PLA2G4D: variants seen among roughly 807,000 people sequenced by gnomAD.
PLA2G4D encodes phospholipase A2 group IVD.
Under a neutral mutation model 94.4 loss-of-function variants are expected in PLA2G4D, and 80 were observed. The observed-to-expected ratio is 0.85, with a 90% CI of 0.71 to 1.02. The LOEUF is 1.02. PLA2G4D is among the 50% of genes least tolerant of loss of function. PLA2G4D has a pLI of 0.00. For synonymous variants in PLA2G4D, 438 were observed against 440.9 expected (o/e 0.99, Z 0.08); for missense variants, 1,050 against 1,034.7 (o/e 1.01, Z -0.20).
chr15:42,071,288 A>T lies in PLA2G4D; in HGVS notation c.1711T>A (p.Ser571Thr). ...EKEPLTTSGT[S>T]SRLEASWLQP... ...AGCCACGAGGCCTCCAGCCGCGAGG[A>T]GGTCCCCGAGGTGGTCAGGGGCTCC... is the stretch of plus-strand genomic sequence containing the variant. Residue 571 changes from serine (S) to threonine (T), a missense_variant, in exon 17 of 20, where the codon TCC (serine) becomes ACC (threonine). Transcript: ENST00000290472. The T allele has an allele frequency of 6.3e-7, 1 of 1,591,346 alleles. No homozygotes were observed. Among genetic ancestry groups the T allele is most frequent in the Non-Finnish European group, 8.5e-7 (1 of 1,172,600 alleles).
Position 42,083,741 on chromosome 15 carries a change from G to A in PLA2G4D, c.510C>T (p.Ser170=). 1.2e-6 allele frequency: 2 copies of A among 1,614,022 alleles called. No individual in the cohort carries two copies. The highest frequency in any genetic ancestry group is 1.7e-6 in the Non-Finnish European group (2 of 1,180,008). The change falls in exon 7 of 20, where the codon AGC becomes AGT. Residue 170 remains serine, a synonymous_variant. Coordinates refer to ENST00000290472, the MANE Select transcript of PLA2G4D (RefSeq NM_178034.4). ...ELSCLDVHLD[S]TGSTAVVADQ... is the part of the protein sequence containing the mutation. ...CTGCAACCACAGCGGTGCTCCCTGT[G>A]CTGTCCAGATGCACATCCAGGCATG...
In PLA2G4D at chr15:42,070,044, G is replaced by C. The variant is rs1257977796; in HGVS notation, c.2095C>G (p.Arg699Gly). ...TGGTCCTGAGGGCTGGGTTCCACCC[G>C]GGGGAAGGGCAGCCCCCGGGCCCGG... ...YCRARGLPFP[R>G]VEPSPQDQHQ... Residue 699 changes from arginine (R) to glycine (G), a missense_variant, in exon 19 of 20, where the codon CGG becomes GGG. Transcript: ENST00000290472. 4.6e-6 allele frequency: 7 copies of C among 1,519,138 alleles called. No homozygotes were observed. Among genetic ancestry groups the C allele is most frequent in the Non-Finnish European group, 6.2e-6 (7 of 1,133,806 alleles). 94.1% of individuals were successfully genotyped at this position (1,519,138 alleles called of 1,614,324 possible). A position where few individuals can be genotyped will look rare whatever the true frequency, so the allele number is the denominator to read the frequency against.
rs1480327221 is a variant in PLA2G4D at position 42,081,574 on chromosome 15, C to T, written c.862G>A (p.Ala288Thr). The change falls in exon 11 of 20, where the codon GCA becomes ACA. Residue 288 changes from alanine to threonine, a missense_variant. Transcript: ENST00000290472. ...LAVHLGFNLC[A>T]EEQAFLSRRK... is the part of the protein sequence containing the mutation. ...CTGCTCAGGAAGGCCTGCTCCTCTG[C>T]ACAGAGATTGAAGCCCAGGTGCACG... 1 of 1,614,216 alleles carries T rather than the reference C, an allele frequency of 6.2e-7. No individual in the cohort carries two copies. The highest frequency in any genetic ancestry group is 2.2e-5 in the East Asian group (1 of 44,884).
intron 17 of PLA2G4D, 56 bp from the exon 18 acceptor site, chr15:42,070,939 T>C (rs1358165895): frequency 6.4e-7 from 1 of 1,569,502 alleles, no homozygotes; most frequent in Admixed American, 1.8e-5. Flanking sequence ...GTCATCCATG[T>C]CCCCTTCTCT....
chr15:42,069,839 G>A (rs1471093227), intron 19 of PLA2G4D, 70 bp downstream of exon 19: 10 of 1,254,744 alleles, frequency 8.0e-6, no homozygotes, highest in Middle Eastern at 2.6e-4. Context: ...CCTCTGCTGG[G>A]CAGCCGGGGG....
chr15:42,071,733 G>C, intron 15 of PLA2G4D, 41 bp downstream of exon 15: 4 of 1,604,504 alleles, frequency 2.5e-6, no homozygotes, highest in Non-Finnish European at 3.4e-6. Context: ...TCAGACACCT[G>C]GCCCAGGGCT....
chr15:42,094,240 C>T (rs112025691), intron 1 of PLA2G4D, among the ~76,000 whole-genome samples, 175 bp downstream of exon 1: 12 of 152,252 alleles, frequency 7.9e-5, no homozygotes, highest in East Asian at 5.8e-4. Flanking sequence ...TCCCAGCCCC[C>T]GCATCTACGG....
At position 42,071,863 on chromosome 15, in the gene PLA2G4D, G is replaced by A. The variant is rs201939272; in HGVS notation, c.1484C>T (p.Ala495Val). The change falls in exon 15 of 20, where the codon GCC becomes GTC. Residue 495 changes from alanine (A) to valine (V), a missense_variant. Ala to Val is a moderately conservative substitution (Grantham distance 64). Transcript: ENST00000290472. Reference protein sequence around the residue: ...PYEVGFLKYGAFVPPELFGSE... With the variant: ...PYEVGFLKYGVFVPPELFGSE... Reference sequence around the variant, plus strand: ...GCCGAAGAGCTCAGGAGGGACGAAGGCCCCGTACTTCAGGAAACCGACCTC... The same window carrying A: ...GCCGAAGAGCTCAGGAGGGACGAAGACCCCGTACTTCAGGAAACCGACCTC... 4.3e-6 allele frequency: 7 copies of A among 1,614,178 alleles called. No homozygotes were observed. The highest frequency in any genetic ancestry group is 5.9e-6 in the Non-Finnish European group (7 of 1,180,010).
At chr15:42,073,334 T>C (rs865805688) in intron 13 of PLA2G4D, among the ~76,000 whole-genome samples, 2 of 152,184 alleles carry the variant, frequency 1.3e-5, no homozygotes, top group African/African-American at 4.8e-5. Flanking sequence ...AGCTTGCCTT[T>C]TGGGGGAGCC....
At chr15:42,085,326 C>G (rs1566864903) in intron 5 of PLA2G4D, among the ~76,000 whole-genome samples, 165 bp downstream of exon 5, 1 of 152,074 alleles carries the variant, frequency 6.6e-6, no homozygotes, top group Non-Finnish European at 1.5e-5. Flanking sequence ...CGGCCTTCCT[C>G]TCTGTGTTTC....
At chr15:42,075,504 A>G (rs924391464) in intron 13 of PLA2G4D, among the ~76,000 whole-genome samples, 1 of 152,268 alleles carries the variant, frequency 6.6e-6, no homozygotes, top group African/African-American at 2.4e-5. Context: ...ATTTCTAGTA[A>G]TTAAGTTGGC....
intron 1 of PLA2G4D, among the ~76,000 whole-genome samples, chr15:42,090,983 A>G (rs1438975157): frequency 6.6e-6 from 1 of 152,072 alleles, no homozygotes; most frequent in East Asian, 1.9e-4. Context: ...CCTTTTTTCC[A>G]GTAAAAGCTT....
chr15:42,081,709 C>T, intron 10 of PLA2G4D, 88 bp downstream of exon 10: 7 of 1,612,272 alleles, frequency 4.3e-6, no homozygotes, highest in Non-Finnish European at 5.9e-6. Flanking sequence ...AAGCCCTCTC[C>T]TCCAATCTCA....
chr15:42,070,708 C>G lies in PLA2G4D; in HGVS notation c.2043+9G>C, dbSNP rs1364722329. 6.4e-7 allele frequency: 1 copy of G among 1,551,736 alleles called. No homozygotes were observed. Among genetic ancestry groups the G allele is most frequent in the Non-Finnish European group, 8.7e-7 (1 of 1,146,960 alleles). On this transcript the variant is annotated intron_variant, in intron 18 of 19. Transcript: ENST00000290472. ...GGGCAGAGGGGTTCCCCTGGGGTGA[C>G]CAGGGTACCTCGAAGGGCGCAGATA...
intron 3 of PLA2G4D, 134 bp downstream of exon 3, chr15:42,087,166 G>C: frequency 8.5e-7 from 1 of 1,178,024 alleles, no homozygotes; most frequent in South Asian, 1.4e-5. Context: ...AGCACAGACA[G>C]GCCAGGGCAC....
At chr15:42,085,865 CCCCGAACT>C (rs1890133027) in intron 4 of PLA2G4D, among the ~76,000 whole-genome samples, 1 of 152,290 alleles carries the variant, frequency 6.6e-6, no homozygotes, top group African/African-American at 2.4e-5. Flanking sequence ...GGGCCCAGAC[CCCCGAACT>C]CTGCCGTCCC....
intron 6 of PLA2G4D, 187 bp from the exon 7 acceptor site, chr15:42,083,966 T>G: frequency 1.0e-5 from 6 of 585,758 alleles, no homozygotes; most frequent in Admixed American, 2.8e-5. Context: ...GAACCTGATA[T>G]TCCGCAGCAG....
At chr15:42,088,217 A>T (rs566142809) in intron 1 of PLA2G4D, among the ~76,000 whole-genome samples, 1 of 152,328 alleles carries the variant, frequency 6.6e-6, no homozygotes, top group Admixed American at 6.5e-5. Flanking sequence ...GATCTCAGCT[A>T]TCTGCACTGT....
In PLA2G4D at chr15:42,094,465, C is replaced by T; in HGVS notation, c.-6G>A. 1 of 1,614,132 alleles carries T rather than the reference C, an allele frequency of 6.2e-7. No individual in the cohort carries two copies. Among genetic ancestry groups the T allele is most frequent in the African/African-American group, 1.3e-5 (1 of 75,060 alleles). The stretch of plus-strand genomic sequence containing the variant: ...CCAGGTGACAGGCTCTCCATGCTAG[C>T]CCTTCCAGCTTCACTCCAGGCCCAG... On this transcript the variant is annotated 5_prime_UTR_variant, in exon 1 of 20. Coordinates refer to ENST00000290472, the MANE Select transcript of PLA2G4D (RefSeq NM_178034.4).
Sources: gnomAD v4.1 joint callset for allele counts (sites outside exome capture counted in the v4.1 genomes callset) on GRCh38, gnomAD v4.1.1 for gene constraint, MANE v1.5 for transcripts, NCBI Gene and HGNC (gene_info 2026-07-23, HGNC 2026-07-21) for gene names.